TTC6: variants seen among roughly 807,000 people sequenced by gnomAD.
The protein encoded by TTC6 is tetratricopeptide repeat domain 6.
TTC6 carries 172 observed loss-of-function variants against 210.4 expected under a neutral mutation model. The ratio of observed to expected loss-of-function variants is 0.82; its 90% CI spans 0.72 to 0.93. The LOEUF (loss-of-function observed/expected upper bound fraction) is 0.93. TTC6 is among the 40% of genes least tolerant of loss of function. The pLI is 0.00. For synonymous variants in TTC6, 804 were observed against 819.6 expected, an observed-to-expected ratio of 0.98 and a Z score of 0.32; for missense variants, 2,414 against 2,318.1, an observed-to-expected ratio of 1.04 and a Z score of -0.85.
intron 20 of TTC6, among the ~76,000 whole-genome samples, chr14:37,799,819 A>C (rs945696849): frequency 5.3e-5 from 8 of 152,222 alleles, no homozygotes; most frequent in African/African-American, 1.7e-4. Flanking sequence ...AGAGAAAAGA[A>C]GTTTTCAGAT....
intron 14 of TTC6, among the ~76,000 whole-genome samples, chr14:37,772,752 T>A (rs1448035900): frequency 1.3e-5 from 2 of 152,136 alleles, no homozygotes; most frequent in Non-Finnish European, 1.5e-5. Context: ...GAAATGCAGA[T>A]ATCACCCGTC....
intron 14 of TTC6, among the ~76,000 whole-genome samples, chr14:37,760,597 C>T (rs1264697553): frequency 6.6e-6 from 1 of 152,164 alleles, no homozygotes; most frequent in East Asian, 1.9e-4. Flanking sequence ...ACGTTTAAGT[C>T]CACTGAAGCT....
At chr14:37,670,107 A>C (rs138286207) in intron 1 of TTC6, among the ~76,000 whole-genome samples, 1 of 152,146 alleles carries the variant, frequency 6.6e-6, no homozygotes, top group East Asian at 1.9e-4. Context: ...AAATATAAAC[A>C]TAGGTTAGAT....
chr14:37,697,962 T>A (rs753160211), intron 4 of TTC6, among the ~76,000 whole-genome samples: 3 of 152,138 alleles, frequency 2.0e-5, no homozygotes, highest in Non-Finnish European at 2.9e-5. Flanking sequence ...CAAATAGTCC[T>A]GTTTAAGAAG....
chr14:37,782,244 T>G (rs2096056938), intron 14 of TTC6, among the ~76,000 whole-genome samples: 1 of 152,228 alleles, frequency 6.6e-6, no homozygotes, highest in South Asian at 2.1e-4. Context: ...CGATATTGAT[T>G]CTTCCTATCC....
Position 37,687,291 on chromosome 14 carries a change from C to T in TTC6, c.1257+4327C>T, listed in dbSNP as rs189662976. ...CACAGAGGGTGCATTTAAATGAGCC[C>T]TAGCCAGAGAGGAATAGCTGATCTC... On this transcript the variant is annotated intron_variant, in intron 3 of 30. Transcript: ENST00000553443. Among the ~76,000 whole-genome samples the T allele has an allele frequency of 5.2e-3, 795 of 152,194 alleles. 6 individuals carry two copies. The highest frequency in any genetic ancestry group is 0.016 in the African/African-American group (663 of 41,520).
chr14:37,812,578 C>G (rs1236792282), intron 25 of TTC6, 145 bp downstream of exon 27: 5 of 732,948 alleles, frequency 6.8e-6, no homozygotes, highest in Non-Finnish European at 1.0e-5. Context: ...CTTGAAATGA[C>G]TAATAGGCTC....
intron 14 of TTC6, among the ~76,000 whole-genome samples, chr14:37,776,926 A>G (rs1386585120): frequency 2.0e-5 from 3 of 152,080 alleles, no homozygotes; most frequent in Admixed American, 2.0e-4. Context: ...ATGGGCCCCC[A>G]ATCTCTTCTG....
At chr14:37,765,546 C>T (rs971856588) in intron 14 of TTC6, among the ~76,000 whole-genome samples, 1 of 151,994 alleles carries the variant, frequency 6.6e-6, no homozygotes, top group Non-Finnish European at 1.5e-5. Flanking sequence ...ATGCATTTGT[C>T]TTTTATGTCA....
rs554615254 is a variant in TTC6 at position 37,732,373 on chromosome 14, T to C, written c.1819-3548T>C. On this transcript the variant is annotated intron_variant, in intron 7 of 30. Coordinates refer to ENST00000553443, the Ensembl canonical transcript of TTC6. ...AATTTTTCGTATTTTTTAGTACAGATGGGGTTTCACCGTGTTAGCCAGGAT... is the reference window on the plus strand; with the variant it reads ...AATTTTTCGTATTTTTTAGTACAGACGGGGTTTCACCGTGTTAGCCAGGAT... 7.8e-4 allele frequency among the ~76,000 whole-genome samples: 117 copies of C among 150,822 alleles called. No homozygotes were observed. The Middle Eastern group carries it at 0.031, about 40-fold the overall frequency.
intron 1 of TTC6, among the ~76,000 whole-genome samples, chr14:37,679,449 A>G (rs1177142064): frequency 6.6e-6 from 1 of 152,144 alleles, no homozygotes; most frequent in Non-Finnish European, 1.5e-5. Context: ...TAGCTATGGT[A>G]AAAATGATAC....
chr14:37,687,514 G>A (rs1306226598), intron 3 of TTC6, among the ~76,000 whole-genome samples: 1 of 152,142 alleles, frequency 6.6e-6, no homozygotes, highest in East Asian at 1.9e-4. Context: ...GCTAAGGAGT[G>A]CTGGCATAAC....
chr14:37,771,043 TA>T (rs1254153738), intron 14 of TTC6, among the ~76,000 whole-genome samples: 4 of 141,084 alleles, frequency 2.8e-5, no homozygotes, highest in African/African-American at 1.0e-4. Flanking sequence ...TAAAGTATTT[TA>T]TTTCTCCTTC....
chr14:37,836,298 C>T (rs2096197787), intron 29 of TTC6, among the ~76,000 whole-genome samples: 1 of 152,166 alleles, frequency 6.6e-6, no homozygotes, highest in African/African-American at 2.4e-5. Context: ...GATCAATTGT[C>T]TCTAACTTAA....
intron 2 of TTC6, among the ~76,000 whole-genome samples, chr14:37,609,365 G>A (rs950920816): frequency 1.3e-5 from 2 of 152,236 alleles, no homozygotes; most frequent in Admixed American, 6.5e-5. Context: ...GTAGTGAGCC[G>A]TGTTTGCCCC....
At chr14:37,596,778 GTTT>G (rs2095605461) in intron 1 of TTC6, among the ~76,000 whole-genome samples, 1 of 152,152 alleles carries the variant, frequency 6.6e-6, no homozygotes, top group African/African-American at 2.4e-5. Flanking sequence ...GTTTTGCAAA[GTTT>G]TTAAAATGTT....
intron 1 of TTC6, among the ~76,000 whole-genome samples, chr14:37,596,586 T>C (rs1220988249): frequency 6.6e-6 from 1 of 152,184 alleles, no homozygotes; most frequent in African/African-American, 2.4e-5. Flanking sequence ...TGGTGATAGA[T>C]TGGGAGATGG....
At chr14:37,704,308 G>A (rs11156965) in intron 5 of TTC6, among the ~76,000 whole-genome samples, 58,774 of 151,832 alleles carry the variant, frequency 0.39, 11,821 homozygotes, top group Admixed American at 0.5. Context: ...TCCTGCACCA[G>A]CCTCCTAAAA....
intron 10 of TTC6, among the ~76,000 whole-genome samples, chr14:37,748,298 T>C (rs924847354): frequency 2.0e-5 from 3 of 152,170 alleles, no homozygotes; most frequent in Non-Finnish European, 4.4e-5. Context: ...TATGAAGTGA[T>C]AGGGTAACTT....
Sources: gnomAD v4.1 joint callset for allele counts (sites outside exome capture counted in the v4.1 genomes callset) on GRCh38, gnomAD v4.1.1 for gene constraint, MANE v1.5 for transcripts, NCBI Gene and HGNC (gene_info 2026-07-23, HGNC 2026-07-21) for gene names.